The following ANGPTL2 variants were observed in gnomAD, a reference collection of about 807,000 sequenced individuals.
The protein encoded by ANGPTL2 is angiopoietin-related protein 2.
In ANGPTL2, 25 loss-of-function variants were observed where a neutral mutation model predicts 52.8. The ratio of observed to expected loss-of-function variants is 0.47; its 90% CI spans 0.35 to 0.66. The LOEUF (loss-of-function observed/expected upper bound fraction) is 0.66. Among genes scored for constraint, ANGPTL2 ranks in the 30% least tolerant of loss-of-function variants. The probability of loss-of-function intolerance (pLI) is 0.01; values close to 1 mark genes in which losing one functional copy is unlikely to be tolerated. For synonymous variants in ANGPTL2, 276 were observed against 277.4 expected (o/e 1.00, Z 0.05); for missense variants, 546 against 656.9 (o/e 0.83, Z 1.84).
In ANGPTL2 at chr9:127,115,180, A is replaced by AATTATTATT. The variant is rs112610239; in HGVS notation, c.-49-6409_-49-6401dup. ...CCAGTTGAGGTCTGTTGTCTTACGT[A>AATTATTATT]ATTATTATTATTATTATTATTATTT... On this transcript the variant is annotated intron_variant, in intron 1 of 4. Coordinates refer to ENST00000373425, the MANE Select transcript of ANGPTL2 (RefSeq NM_012098.3). Among the ~76,000 whole-genome samples, 8 of 151,206 alleles carry AATTATTATT rather than the reference A, an allele frequency of 5.3e-5. 1 individual carries two copies. In the East Asian group the frequency reaches 1.6e-3, roughly 29 times the overall value.
At chr9:127,097,445 A>G (rs1381536837) in intron 2 of ANGPTL2, among the ~76,000 whole-genome samples, 3 of 152,402 alleles carry the variant, frequency 2.0e-5, no homozygotes, top group East Asian at 1.9e-4. Flanking sequence ...AAAAACACAA[A>G]TTCAAACACA....
chr9:127,112,146 G>A (rs2054880051), intron 1 of ANGPTL2, among the ~76,000 whole-genome samples: 1 of 152,232 alleles, frequency 6.6e-6, no homozygotes, highest in South Asian at 2.1e-4. Flanking sequence ...CCTATGGCCT[G>A]CTCAGGCCTC....
Position 127,091,593 on chromosome 9 carries a change from C to T in ANGPTL2, c.1282+77G>A. 2.6e-6 allele frequency: 4 copies of T among 1,546,076 alleles called. No homozygotes were observed. The highest frequency in any genetic ancestry group is 3.5e-6 in the Non-Finnish European group (4 of 1,145,110). ...ACCCTGGGATCTTCCCGTTTCCAAG[C>T]CCTGGAGTCAGGGGCTCTGGCTCTG... is the stretch of plus-strand genomic sequence containing the variant. On this transcript the variant is annotated intron_variant, in intron 4 of 4. Transcript: ENST00000373425. This position sits in a 1 kb window ranked among gnomAD's most constrained non-coding sequence, Gnocchi z 4.3.
At chr9:127,119,742 G>A (rs2055847445) in intron 1 of ANGPTL2, among the ~76,000 whole-genome samples, 1 of 152,298 alleles carries the variant, frequency 6.6e-6, no homozygotes, top group Non-Finnish European at 1.5e-5. Flanking sequence ...GTCCCCTGCT[G>A]GACCATGTGC....
At chr9:127,113,800 T>C (rs1406316343) in intron 1 of ANGPTL2, among the ~76,000 whole-genome samples, 2 of 152,204 alleles carry the variant, frequency 1.3e-5, no homozygotes, top group African/African-American at 4.8e-5. Context: ...TCCCACCCAG[T>C]CTCCGGTGGG....
At chr9:127,104,989 C>T (rs73595421) in intron 2 of ANGPTL2, among the ~76,000 whole-genome samples, 2,480 of 152,226 alleles carry the variant, frequency 0.016, 76 homozygotes, top group African/African-American at 0.056. Context: ...CTGACTGTTC[C>T]GTGCAGAGAG....
chr9:127,093,670 G>A, intron 3 of ANGPTL2, 63 bp downstream of exon 3: 1 of 1,584,522 alleles, frequency 6.3e-7, no homozygotes, highest in Non-Finnish European at 8.6e-7. Context: ...TGGTTGCTCA[G>A]GCCTCTCTTG....
chr9:127,110,210 C>T (rs905799105), intron 1 of ANGPTL2, among the ~76,000 whole-genome samples: 55 of 152,300 alleles, frequency 3.6e-4, no homozygotes, highest in African/African-American at 1.3e-3. Flanking sequence ...CCCCTTCATT[C>T]TAGGTTGCCC....
intron 1 of ANGPTL2, among the ~76,000 whole-genome samples, chr9:127,115,672 T>C (rs1415259411): frequency 6.6e-6 from 1 of 152,254 alleles, no homozygotes; most frequent in Admixed American, 6.5e-5. Context: ...TGCTTGTTTG[T>C]TTAATGGCTG....
chr9:127,108,804 T>A, intron 1 of ANGPTL2, 24 bp from the exon 2 acceptor site: 1 of 1,441,636 alleles, frequency 6.9e-7, no homozygotes, highest in Non-Finnish European at 9.3e-7. Context: ...GAGGGGAGAA[T>A]CAGTGATGGT....
At chr9:127,094,892 C>G (rs572976961) in intron 2 of ANGPTL2, among the ~76,000 whole-genome samples, 8 of 152,308 alleles carry the variant, frequency 5.3e-5, no homozygotes, top group African/African-American at 1.9e-4. Flanking sequence ...GCCCTCCCCA[C>G]CCCTGCCCAT....
At chr9:127,105,290 G>A (rs1455603268) in intron 2 of ANGPTL2, among the ~76,000 whole-genome samples, 2 of 152,158 alleles carry the variant, frequency 1.3e-5, no homozygotes, top group African/African-American at 4.8e-5. Flanking sequence ...TCCCATGACG[G>A]CGTGCTTTCT....
At chr9:127,093,561 A>ATGGC (rs2052742329) in intron 3 of ANGPTL2, among the ~76,000 whole-genome samples, 172 bp downstream of exon 3, 1 of 152,094 alleles carries the variant, frequency 6.6e-6, no homozygotes, top group Non-Finnish European at 1.5e-5. Flanking sequence ...GGTTTGCAAA[A>ATGGC]TGGCCCTGTC....
chr9:127,096,312 G>C (rs948999767), intron 2 of ANGPTL2, among the ~76,000 whole-genome samples: 2 of 152,256 alleles, frequency 1.3e-5, no homozygotes. Context: ...GCCGGTGGGC[G>C]TGGGAGGCCT....
At chr9:127,105,054 C>G (rs1351161228) in intron 2 of ANGPTL2, among the ~76,000 whole-genome samples, 1 of 152,172 alleles carries the variant, frequency 6.6e-6, no homozygotes, top group Non-Finnish European at 1.5e-5. Context: ...GGGCAGGACC[C>G]TCCCCCAGCT....
intron 1 of ANGPTL2, among the ~76,000 whole-genome samples, chr9:127,111,860 G>A (rs545466276): frequency 6.6e-6 from 1 of 152,340 alleles, no homozygotes; most frequent in South Asian, 2.1e-4. Flanking sequence ...AACTCTTAAC[G>A]ATGACACAGG....
rs1400042971 is a variant in ANGPTL2, at chr9:127,105,442, C to T, written c.817+2473G>A. Among the ~76,000 whole-genome samples, 5 of 152,322 alleles carry T rather than the reference C, an allele frequency of 3.3e-5. No individual in the cohort carries two copies. In the South Asian group the frequency reaches 8.3e-4, roughly 25 times the overall value. On this transcript the variant is annotated intron_variant, in intron 2 of 4. Transcript: ENST00000373425. ...GTGCCCCTGGGCCCTTGCACAGACT[C>T]ATCTCCATCAGGGACCCACTAGTCA...
chr9:127,088,855 G>A lies in ANGPTL2; in HGVS notation c.*84C>T. 1 of 1,503,576 alleles carries A rather than the reference G, an allele frequency of 6.7e-7. No homozygotes were observed. Among genetic ancestry groups the A allele is most frequent in the Non-Finnish European group, 9.2e-7 (1 of 1,084,370 alleles). 93.1% of individuals were successfully genotyped at this position (1,503,576 alleles called of 1,614,324 possible). A position where few individuals can be genotyped will look rare whatever the true frequency, so the allele number is the denominator to read the frequency against. ...CCTCCCAGCCTCAGGATGAACTGGTGAGGAGTTGTTCTTTGTGCTGTGGCC... is the reference window on the plus strand; with the variant it reads ...CCTCCCAGCCTCAGGATGAACTGGTAAGGAGTTGTTCTTTGTGCTGTGGCC... On this transcript the variant is annotated 3_prime_UTR_variant, in exon 5 of 5. Transcript: ENST00000373425.
intron 3 of ANGPTL2, among the ~76,000 whole-genome samples, chr9:127,092,147 G>A (rs2052564480): frequency 6.6e-6 from 1 of 152,158 alleles, no homozygotes. Context: ...CCCTGTGCCA[G>A]GCATCATGTG....
Sources: gnomAD v4.1 joint callset for allele counts (sites outside exome capture counted in the v4.1 genomes callset) on GRCh38, gnomAD v4.1.1 for gene constraint, Gnocchi (gnomAD v3.1) non-coding constraint, MANE v1.5 for transcripts, NCBI Gene and HGNC (gene_info 2026-07-23, HGNC 2026-07-21) for gene names.